The following BRINP3 variants were observed in gnomAD, a reference collection of about 807,000 sequenced individuals.
The protein encoded by BRINP3 is BMP/retinoic acid inducible neural specific 3.
Under a neutral mutation model 71.0 loss-of-function variants are expected in BRINP3, and 19 were observed. That is an observed-to-expected ratio of 0.27 (90% confidence interval 0.19 to 0.39). The LOEUF (loss-of-function observed/expected upper bound fraction) is 0.39, where lower values mean the gene tolerates loss of function less well. Among genes scored for constraint, BRINP3 ranks in the 10% least tolerant of loss-of-function variants. The pLI is 1.00. For synonymous variants in BRINP3, 380 were observed against 337.7 expected (o/e 1.13, Z -1.37); for missense variants, 959 against 940.8 (o/e 1.02, Z -0.25).
intron 2 of BRINP3, among the ~76,000 whole-genome samples, chr1:190,344,145 T>C (rs1384187781): frequency 2.0e-5 from 3 of 151,818 alleles, no homozygotes; most frequent in African/African-American, 7.2e-5. Context: ...TCTTCTTCTA[T>C]TACTAATATA....
rs750953190 is a variant in BRINP3, at chr1:190,111,182, T to TAAAAAA, written c.1185-12054_1185-12049dup. 1.2e-3 allele frequency among the ~76,000 whole-genome samples: 75 copies of TAAAAAA among 61,792 alleles called. 2 individuals are homozygous for TAAAAAA. Among genetic ancestry groups the TAAAAAA allele is most frequent in the African/African-American group, 5.7e-3 (72 of 12,530 alleles). 40.5% of individuals were successfully genotyped at this position (61,792 alleles called of 152,430 possible). ...CCTGGGCGACAGAGCAAGACTCCAT[T>TAAAAAA]AAAAAAAAAAAAAAAAAAAAAAAAA... On this transcript the variant is annotated intron_variant, in intron 7 of 7. Transcript: ENST00000367462.
At chr1:190,155,080 T>C (rs1656750400) in intron 7 of BRINP3, among the ~76,000 whole-genome samples, 1 of 152,104 alleles carries the variant, frequency 6.6e-6, no homozygotes, top group South Asian at 2.1e-4. Flanking sequence ...ATATTAATAA[T>C]AAGTTCTTTT....
intron 2 of BRINP3, among the ~76,000 whole-genome samples, chr1:190,348,037 A>G (rs1435774513): frequency 6.6e-6 from 1 of 152,136 alleles, no homozygotes; most frequent in Non-Finnish European, 1.5e-5. Flanking sequence ...TACAGACTTA[A>G]ACCTAGGAAG....
intron 1 of BRINP3, among the ~76,000 whole-genome samples, chr1:190,468,521 T>C (rs1676915285): frequency 6.6e-6 from 1 of 151,262 alleles, no homozygotes; most frequent in African/African-American, 2.4e-5. Context: ...GAAAGATACA[T>C]ACAAAAACCT....
At chr1:190,137,081 C>T (rs1280853144) in intron 7 of BRINP3, among the ~76,000 whole-genome samples, 1 of 152,022 alleles carries the variant, frequency 6.6e-6, no homozygotes, top group East Asian at 1.9e-4. Context: ...GTGTCTTGCT[C>T]ATTAAGAGAC....
intron 3 of BRINP3, among the ~76,000 whole-genome samples, chr1:190,268,463 G>A (rs1047959406): frequency 1.1e-4 from 16 of 151,884 alleles, no homozygotes. Flanking sequence ...TTCTTAATGG[G>A]GAAACACAGG....
chr1:190,389,242 T>C (rs1244773835), intron 2 of BRINP3, among the ~76,000 whole-genome samples: 1 of 151,712 alleles, frequency 6.6e-6, no homozygotes, highest in African/African-American at 2.4e-5. Flanking sequence ...TTGTACATGA[T>C]CTAACATCCT....
intron 2 of BRINP3, among the ~76,000 whole-genome samples, chr1:190,358,516 G>A (rs1466877416): frequency 6.6e-6 from 1 of 152,112 alleles, no homozygotes; most frequent in Non-Finnish European, 1.5e-5. Context: ...GGAACAACAG[G>A]TGCTGGAGAG....
At chr1:190,321,985 A>G (rs1003441601) in intron 2 of BRINP3, among the ~76,000 whole-genome samples, 30 of 152,064 alleles carry the variant, frequency 2.0e-4, no homozygotes, top group Non-Finnish European at 1.5e-5. Flanking sequence ...TTTTAAAACT[A>G]TTGAAATATA....
chr1:190,415,963 A>G (rs1029488896), intron 2 of BRINP3, among the ~76,000 whole-genome samples: 1 of 152,172 alleles, frequency 6.6e-6, no homozygotes, highest in African/African-American at 2.4e-5. Context: ...GTTCCATGAT[A>G]TACACATTGT....
chr1:190,141,376 T>A (rs1367306279), intron 7 of BRINP3, among the ~76,000 whole-genome samples: 1 of 152,036 alleles, frequency 6.6e-6, no homozygotes, highest in African/African-American at 2.4e-5. Context: ...TAAATCCATA[T>A]TCTTGATTGA....
intron 2 of BRINP3, among the ~76,000 whole-genome samples, chr1:190,431,243 G>A (rs561572928): frequency 6.6e-6 from 1 of 152,206 alleles, no homozygotes; most frequent in African/African-American, 2.4e-5. Context: ...AAATGCATTT[G>A]ATTTTCTCTA....
At chr1:190,370,698 C>T (rs946063678) in intron 2 of BRINP3, among the ~76,000 whole-genome samples, 1 of 152,190 alleles carries the variant, frequency 6.6e-6, no homozygotes, top group African/African-American at 2.4e-5. Flanking sequence ...AAGCCTGTGC[C>T]TCCTGCCACA....
intron 6 of BRINP3, among the ~76,000 whole-genome samples, chr1:190,197,317 A>T (rs959078497): frequency 2.0e-5 from 3 of 152,080 alleles, no homozygotes; most frequent in Non-Finnish European, 2.9e-5. Flanking sequence ...GCCCCTACCA[A>T]ATTTCATGTC....
intron 2 of BRINP3, among the ~76,000 whole-genome samples, chr1:190,402,501 A>G (rs561340315): frequency 6.6e-6 from 1 of 152,258 alleles, no homozygotes; most frequent in Middle Eastern, 3.4e-3. Context: ...ATCTCTTACA[A>G]GGTATCTTCA....
intron 2 of BRINP3, among the ~76,000 whole-genome samples, chr1:190,375,324 A>G (rs1363295878): frequency 1.3e-5 from 2 of 151,834 alleles, no homozygotes; most frequent in Non-Finnish European, 2.9e-5. Flanking sequence ...TGTATATTCA[A>G]TAATAGTGTA....
chr1:190,120,548 T>G (rs1653554157), intron 7 of BRINP3, among the ~76,000 whole-genome samples: 1 of 152,078 alleles, frequency 6.6e-6, no homozygotes, highest in Non-Finnish European at 1.5e-5. Context: ...CAGGCTAGAG[T>G]GCAGTGGTGC....
chr1:190,318,490 T>C (rs1019766656), intron 2 of BRINP3, among the ~76,000 whole-genome samples: 3 of 152,120 alleles, frequency 2.0e-5, no homozygotes, highest in Non-Finnish European at 4.4e-5. Context: ...TGGCAGCCCA[T>C]ATAACTCAAT....
At chr1:190,370,828 A>T (rs1669814757) in intron 2 of BRINP3, among the ~76,000 whole-genome samples, 1 of 152,182 alleles carries the variant, frequency 6.6e-6, no homozygotes, top group Non-Finnish European at 1.5e-5. Context: ...TCTTTTTGAC[A>T]ATAGACTGTC....
Sources: allele counts gnomAD v4.1 joint callset (sites outside exome capture counted in the v4.1 genomes callset), GRCh38; gene constraint gnomAD v4.1.1; transcripts MANE v1.5; gene names NCBI Gene and HGNC (gene_info 2026-07-23, HGNC 2026-07-21).